IL12RB1: variants seen among roughly 807,000 people sequenced by gnomAD.
IL12RB1 encodes the protein interleukin-12 receptor subunit beta-1.
IL12RB1 carries 64 observed loss-of-function variants against 94.4 expected under a neutral mutation model. The ratio of observed to expected loss-of-function variants is 0.68; its 90% CI spans 0.55 to 0.83. The LOEUF (loss-of-function observed/expected upper bound fraction) is 0.83, where lower values mean the gene tolerates loss of function less well. Among genes scored for constraint, IL12RB1 ranks in the 40% least tolerant of loss-of-function variants. The pLI is 0.00. For missense variants in IL12RB1, 814 were observed against 855.6 expected (o/e 0.95, Z 0.61); for synonymous variants, 362 against 355.5 (o/e 1.02, Z -0.21).
intron 11 of IL12RB1, among the ~76,000 whole-genome samples, chr19:18,067,425 T>C (rs1263118402): frequency 1.3e-5 from 2 of 148,776 alleles, no homozygotes; most frequent in Non-Finnish European, 3.0e-5. Flanking sequence ...GGCCACAGAG[T>C]CAGGTGAGCT....
At chr19:18,092,349 G>T (rs1034293746) in intron 1 of IL12RB1, among the ~76,000 whole-genome samples, 1 of 151,692 alleles carries the variant, frequency 6.6e-6, no homozygotes, top group African/African-American at 2.4e-5. Context: ...AATTAGCCGG[G>T]CATGGTGGCT....
rs759647906 is a variant in IL12RB1, at chr19:18,073,489, C to T, written c.783+28G>A. On this transcript the variant is annotated intron_variant, in intron 8 of 16. Transcript: ENST00000593993. ...GCCTCCTGCTCCCCATCCCAGGCCA[C>T]CCCACAGCCCTGTGACAGCCCCGTT... 16 of 1,454,792 alleles carry T rather than the reference C, an allele frequency of 1.1e-5. No individual in the cohort carries two copies. In the Admixed American group the frequency reaches 2.3e-4, roughly 21 times the overall value. The allele number at this position is 1,454,792 out of a possible 1,614,324, so 90.1% of individuals were successfully genotyped here.
rs2034603627 is a variant in IL12RB1, at chr19:18,066,657, A to G, written c.1368T>C (p.Asn456=). The part of the protein sequence containing the change: ...AGTPHHVSVK[N]HSLDSVSVDW... ...CCACAGACACAGAGTCCAAGCTATG[A>G]TTCTTCACCGAGACGTGGTGCGGTG... The change falls in exon 12 of 17, where the codon AAT becomes AAC. Residue 456 remains asparagine, a synonymous_variant. Transcript: ENST00000593993. 6.2e-7 allele frequency: 1 copy of G among 1,610,494 alleles called. No homozygotes were observed. Among genetic ancestry groups the G allele is most frequent in the African/African-American group, 1.3e-5 (1 of 74,824 alleles).
chr19:18,077,670 A>G lies in IL12RB1; in HGVS notation c.410-15T>C, dbSNP rs1568509765. On this transcript the variant is annotated splice_polypyrimidine_tract_variant and intron_variant, in intron 4 of 16. Coordinates refer to ENST00000593993, the MANE Select transcript of IL12RB1 (RefSeq NM_005535.3). ...CTCATATTTAACTGGAAGCAGAGGTAGGGATTGGCGAGGGGCAGCCCACAC... is the reference window on the plus strand; with the variant it reads ...CTCATATTTAACTGGAAGCAGAGGTGGGGATTGGCGAGGGGCAGCCCACAC... The G allele has an allele frequency of 1.3e-6, 2 of 1,565,828 alleles. No homozygotes were observed. The highest frequency in any genetic ancestry group is 1.7e-5 in the Admixed American group (1 of 59,918).
At chr19:18,075,094 AAAC>A (rs2035363859) in intron 7 of IL12RB1, among the ~76,000 whole-genome samples, 1 of 151,696 alleles carries the variant, frequency 6.6e-6, no homozygotes, top group Non-Finnish European at 1.5e-5. Flanking sequence ...CAAACAAAAA[AAAC>A]AGCAGCAAAA....
In IL12RB1 at chr19:18,069,499, G is replaced by A. The variant is rs902943686; in HGVS notation, c.1189+47C>T. 4 of 1,536,314 alleles carry A rather than the reference G, an allele frequency of 2.6e-6. No individual in the cohort carries two copies. In the Admixed American group the frequency reaches 5.7e-5, roughly 22 times the overall value. On this transcript the variant is annotated intron_variant, in intron 10 of 16. Transcript: ENST00000593993. Reference sequence around the variant, plus strand: ...GGTTTGAACCCACCAGGACCTAAAAGGGAGGGCACAGAGGAGGGGTAGGCG... The same window carrying A: ...GGTTTGAACCCACCAGGACCTAAAAAGGAGGGCACAGAGGAGGGGTAGGCG...
Position 18,077,572 on chromosome 19 carries a change from G to C in IL12RB1, c.493C>G (p.Gln165Glu), listed in dbSNP as rs1470879267. ...CGGAACTGCACCTCAGCACCAACCTGGTTATCCGGGGTCTCCCACTCCATA... is the reference window on the plus strand; with the variant it reads ...CGGAACTGCACCTCAGCACCAACCTCGTTATCCGGGGTCTCCCACTCCATA... ...LRMEWETPDNQVGAEVQFRHR... is the reference protein window; with the variant it reads ...LRMEWETPDNEVGAEVQFRHR... The change falls in exon 5 of 17, where the codon CAG becomes GAG. Residue 165 changes from glutamine (Q) to glutamate (E), a missense_variant. Gln to Glu is a conservative substitution (Grantham distance 29). Transcript: ENST00000593993. The C allele has an allele frequency of 6.2e-7, 1 of 1,609,812 alleles. No homozygotes were observed. Among genetic ancestry groups the C allele is most frequent in the Non-Finnish European group, 8.5e-7 (1 of 1,176,380 alleles).
In IL12RB1 at chr19:18,059,555, G is replaced by T; in HGVS notation, c.*53C>A. On this transcript the variant is annotated 3_prime_UTR_variant, in exon 17 of 17. Coordinates refer to ENST00000593993, the MANE Select transcript of IL12RB1 (RefSeq NM_005535.3). Reference sequence around the variant, plus strand: ...TTATTTGGGTCCAAATGTGACTCCTGTGTGTGCTACGTAGCCTCGGGCGAG... The same window carrying T: ...TTATTTGGGTCCAAATGTGACTCCTTTGTGTGCTACGTAGCCTCGGGCGAG... 2 of 777,124 alleles carry T rather than the reference G, an allele frequency of 2.6e-6. No homozygotes were observed. Among genetic ancestry groups the T allele is most frequent in the South Asian group, 1.4e-5 (1 of 73,904 alleles). The allele number at this position is 777,124 out of a possible 1,614,324, so 48.1% of individuals were successfully genotyped here. A position where few individuals can be genotyped will look rare whatever the true frequency, so the allele number is the denominator to read the frequency against.
intron 1 of IL12RB1, among the ~76,000 whole-genome samples, chr19:18,096,606 G>C (rs918913683): frequency 9.2e-5 from 14 of 151,698 alleles, no homozygotes; most frequent in Non-Finnish European, 2.1e-4. Flanking sequence ...AGGCTAAGGT[G>C]GGTGAATCAC....
In IL12RB1 at chr19:18,059,329, C is replaced by T; in HGVS notation, c.*279G>A. On this transcript the variant is annotated 3_prime_UTR_variant, in exon 17 of 17. Coordinates refer to ENST00000593993, the MANE Select transcript of IL12RB1 (RefSeq NM_005535.3). The stretch of plus-strand genomic sequence containing the variant: ...CCCAGGGTCCAGGGATCCATCTGAG[C>T]CCCCCTTGCCCCCATTCCCAGTCCA... 7.2e-6 allele frequency: 4 copies of T among 554,114 alleles called. No individual in the cohort carries two copies. The highest frequency in any genetic ancestry group is 6.2e-5 in the Admixed American group (2 of 32,438). 34.3% of individuals were successfully genotyped at this position (554,114 alleles called of 1,614,324 possible).
chr19:18,063,784 G>C, intron 13 of IL12RB1, 92 bp downstream of exon 13: 1 of 1,189,476 alleles, frequency 8.4e-7, no homozygotes, highest in Non-Finnish European at 1.2e-6. Flanking sequence ...CATAGAGGGA[G>C]TGAGAGTGAG....
At chr19:18,078,854 A>G (rs1026282565) in intron 4 of IL12RB1, among the ~76,000 whole-genome samples, 4 of 152,118 alleles carry the variant, frequency 2.6e-5, no homozygotes, top group African/African-American at 9.7e-5. Flanking sequence ...TTTAAGAGGT[A>G]TGATGGTTTG....
chr19:18,094,267 T>A (rs559407409), intron 1 of IL12RB1, among the ~76,000 whole-genome samples: 60 of 152,308 alleles, frequency 3.9e-4, no homozygotes, highest in Non-Finnish European at 7.5e-4. Context: ...TAGCGGGGAT[T>A]ACAGGCGTGC....
At chr19:18,091,477 C>A (rs1374312146), upstream of IL12RB1, 5 of 152,248 alleles carry the variant, frequency 3.3e-5, no homozygotes, top group African/African-American at 1.2e-4. Flanking sequence ...GGAGAGAGAC[C>A]TTCAGCCCGA....
At chr19:18,082,424 A>G in intron 2 of IL12RB1, 160 bp from the exon 3 acceptor site, 1 of 667,168 alleles carries the variant, frequency 1.5e-6, no homozygotes, top group East Asian at 2.8e-5. Context: ...ACCTCAACCT[A>G]TTCCGAATCC....
At chr19:18,067,701 G>A (rs556676591) in intron 11 of IL12RB1, among the ~76,000 whole-genome samples, 4 of 152,168 alleles carry the variant, frequency 2.6e-5, no homozygotes, top group African/African-American at 9.7e-5. Flanking sequence ...TACTCAGGAG[G>A]CTGAGGAAGG....
intron 5 of IL12RB1, among the ~76,000 whole-genome samples, chr19:18,076,618 G>A (rs566444882): frequency 1.3e-5 from 2 of 152,154 alleles, no homozygotes; most frequent in East Asian, 1.9e-4. Context: ...TGCCCAGGCT[G>A]GTCTCAAACT....
intron 4 of IL12RB1, among the ~76,000 whole-genome samples, chr19:18,079,069 A>G (rs1002038226): frequency 4.0e-5 from 6 of 151,484 alleles, no homozygotes; most frequent in Non-Finnish European, 8.8e-5. Flanking sequence ...CACCTTCTAT[A>G]ATTACTTTTT....
intron 16 of IL12RB1, 69 bp from the exon 17 acceptor site, chr19:18,059,682 G>A (rs1345161173): frequency 2.6e-6 from 2 of 778,006 alleles, no homozygotes; most frequent in African/African-American, 3.4e-5. Context: ...AATCATGTGA[G>A]TGGATGGAAT....
Sources: allele counts gnomAD v4.1 joint callset (sites outside exome capture counted in the v4.1 genomes callset), GRCh38; gene constraint gnomAD v4.1.1; transcripts MANE v1.5; gene names NCBI Gene and HGNC (gene_info 2026-07-23, HGNC 2026-07-21).